The following ATP8A1 variants were observed in gnomAD, a reference collection of about 807,000 sequenced individuals.
ATP8A1 encodes the protein phospholipid-transporting ATPase IA.
Under a neutral mutation model 177.7 loss-of-function variants are expected in ATP8A1, and 90 were observed. The observed-to-expected ratio is 0.51, with a 90% confidence interval of 0.43 to 0.60. The LOEUF (loss-of-function observed/expected upper bound fraction) is 0.60, where lower values mean the gene tolerates loss of function less well. ATP8A1 is among the 20% of genes least tolerant of loss of function. The pLI, the probability that ATP8A1 is intolerant of heterozygous loss-of-function variation, is 0.00. For missense variants in ATP8A1, 1,072 were observed against 1,392.8 expected, an observed-to-expected ratio of 0.77 and a Z score of 3.67; for synonymous variants, 493 against 485.9, an observed-to-expected ratio of 1.01 and a Z score of -0.19.
intron 31 of ATP8A1, among the ~76,000 whole-genome samples, chr4:42,445,964 C>T (rs1349781262): frequency 4.6e-5 from 7 of 151,198 alleles, no homozygotes; most frequent in South Asian, 2.1e-4. Flanking sequence ...CCTGTAATTC[C>T]AGCTACTCAG....
chr4:42,444,247 C>T (rs1560330225), intron 32 of ATP8A1, among the ~76,000 whole-genome samples: 1 of 152,162 alleles, frequency 6.6e-6, no homozygotes, highest in Admixed American at 6.5e-5. Flanking sequence ...TGCTGCAGAA[C>T]ACCAGTCCAG....
intron 35 of ATP8A1, chr4:42,415,289 A>C (rs897278504): frequency 6.6e-6 from 1 of 152,204 alleles, no homozygotes; most frequent in African/African-American, 2.4e-5. Flanking sequence ...GTGTTCCTTA[A>C]TTTTATTTTA....
At chr4:42,474,904 GA>G (rs144311991) in intron 25 of ATP8A1, among the ~76,000 whole-genome samples, 3,802 of 144,602 alleles carry the variant, frequency 0.026, 147 homozygotes, top group African/African-American at 0.089. Flanking sequence ...GTTAGGGGGA[GA>G]AAAAAAAAAG....
intron 6 of ATP8A1, among the ~76,000 whole-genome samples, chr4:42,598,959 C>T (rs897839721): frequency 1.3e-5 from 2 of 152,038 alleles, no homozygotes; most frequent in African/African-American, 4.8e-5. Flanking sequence ...AAATGGGATG[C>T]CTAGGTTAGG....
chr4:42,541,157 T>A (rs1025947434), intron 20 of ATP8A1, among the ~76,000 whole-genome samples: 10 of 151,584 alleles, frequency 6.6e-5, no homozygotes, highest in African/African-American at 2.4e-4. Context: ...ATAAATACAA[T>A]TAAAAAAATA....
chr4:42,511,049 AAG>A (rs1724957004), intron 22 of ATP8A1, among the ~76,000 whole-genome samples: 1 of 152,174 alleles, frequency 6.6e-6, no homozygotes. Context: ...GATGCCTATG[AAG>A]GAAACACTGT....
At chr4:42,594,307 G>A (rs1248776963) in intron 6 of ATP8A1, 8 of 1,601,672 alleles carry the variant, frequency 5.0e-6, no homozygotes, top group Non-Finnish European at 6.8e-6. Flanking sequence ...GAGAAGTACA[G>A]TGTCAGCAGG....
In ATP8A1 at chr4:42,590,464, T is replaced by C. The variant is rs1383513727; in HGVS notation, c.524+347A>G. 3.3e-5 allele frequency among the ~76,000 whole-genome samples: 5 copies of C among 152,282 alleles called. No homozygotes were observed. In the East Asian group the frequency reaches 9.6e-4, roughly 29 times the overall value. The stretch of plus-strand genomic sequence containing the variant: ...AAAAGCTTAACATTATTCAAAATAA[T>C]ATCCCGGAGAGATAATAAATTAAGC... On this transcript the variant is annotated intron_variant, in intron 7 of 36. Transcript: ENST00000381668.
intron 1 of ATP8A1, among the ~76,000 whole-genome samples, chr4:42,628,668 C>T (rs1364972682): frequency 6.6e-6 from 1 of 152,114 alleles, no homozygotes; most frequent in African/African-American, 2.4e-5. Flanking sequence ...CATACTTTTC[C>T]CTCTAGTTTT....
intron 15 of ATP8A1, among the ~76,000 whole-genome samples, chr4:42,566,403 A>G (rs1188087221): frequency 6.6e-6 from 1 of 152,234 alleles, no homozygotes; most frequent in Non-Finnish European, 1.5e-5. Flanking sequence ...CCTGAAGATC[A>G]GCATGAAGAT....
rs1712311935 is a variant in ATP8A1, at chr4:42,409,233, CA to C, written c.*3682del. 1 of 152,180 alleles carries C rather than the reference CA, an allele frequency of 6.6e-6. No individual in the cohort carries two copies. Among genetic ancestry groups the C allele is most frequent in the African/African-American group, 2.4e-5 (1 of 41,458 alleles). 9.4% of individuals were successfully genotyped at this position (152,180 alleles called of 1,614,324 possible). On this transcript the variant is annotated 3_prime_UTR_variant, in exon 37 of 37. Coordinates refer to ENST00000381668, the MANE Select transcript of ATP8A1 (RefSeq NM_006095.2). ...GCAAACCATAAACCTATCAAAAACA[CA>C]GCTGTTCTCATACAGAAAGTAAATC...
intron 35 of ATP8A1, among the ~76,000 whole-genome samples, chr4:42,421,404 G>A (rs929460426): frequency 2.0e-5 from 3 of 152,126 alleles, no homozygotes; most frequent in Non-Finnish European, 4.4e-5. Context: ...AGCTGGCATG[G>A]ACTCCAGGCC....
chr4:42,448,169 A>T (rs1717488149), intron 30 of ATP8A1, among the ~76,000 whole-genome samples: 1 of 152,316 alleles, frequency 6.6e-6, no homozygotes, highest in East Asian at 1.9e-4. Context: ...ACAAAAAAAT[A>T]AGTGAGAAAA....
chr4:42,587,676 G>T (rs1733763072), intron 8 of ATP8A1, among the ~76,000 whole-genome samples: 1 of 149,116 alleles, frequency 6.7e-6, no homozygotes, highest in African/African-American at 2.5e-5. Flanking sequence ...GCGCATTCTT[G>T]GCTCACTGCA....
intron 4 of ATP8A1, among the ~76,000 whole-genome samples, chr4:42,617,039 G>T (rs1338046726): frequency 6.6e-6 from 1 of 152,198 alleles, no homozygotes; most frequent in African/African-American, 2.4e-5. Context: ...GTGCGTACCT[G>T]ACTATAATAT....
intron 16 of ATP8A1, among the ~76,000 whole-genome samples, chr4:42,553,077 A>C (rs1444883271): frequency 6.6e-6 from 1 of 152,230 alleles, no homozygotes; most frequent in East Asian, 1.9e-4. Flanking sequence ...GCCAACTAAG[A>C]AGCCAACATC....
At chr4:42,637,186 T>A (rs1739482023) in intron 1 of ATP8A1, 1 of 518,862 alleles carries the variant, frequency 1.9e-6, no homozygotes, top group Non-Finnish European at 3.8e-6. Context: ...AATGATGACC[T>A]GGAACCACAG....
chr4:42,564,829 G>T (rs1240909123), intron 15 of ATP8A1, among the ~76,000 whole-genome samples: 1 of 152,096 alleles, frequency 6.6e-6, no homozygotes, highest in African/African-American at 2.4e-5. Flanking sequence ...GAGGGGCCGG[G>T]GTGGAATGAT....
intron 3 of ATP8A1, 132 bp from the exon 4 acceptor site, chr4:42,624,766 T>C: frequency 2.2e-6 from 1 of 457,496 alleles, no homozygotes; most frequent in East Asian, 3.4e-5. Flanking sequence ...TAATGCTGAG[T>C]GAGGTAATGT....
Sources: gnomAD v4.1 joint callset for allele counts (sites outside exome capture counted in the v4.1 genomes callset) on GRCh38, gnomAD v4.1.1 for gene constraint, MANE v1.5 for transcripts, NCBI Gene and HGNC (gene_info 2026-07-23, HGNC 2026-07-21) for gene names.